Variants in DIP2B observed in about 807,000 individuals in gnomAD.
DIP2B encodes the protein DIP2 acetate--CoA ligase B (putative).
A neutral mutation model predicts 198.0 loss-of-function variants in DIP2B; 76 were observed. The observed-to-expected ratio is 0.38, with a 90% confidence interval of 0.32 to 0.46. DIP2B has a LOEUF of 0.46. Ranked by LOEUF, DIP2B falls within the 20% of genes least tolerant of loss-of-function variation. DIP2B has a pLI of 0.99. For synonymous variants in DIP2B, 701 were observed against 739.1 expected, an observed-to-expected ratio of 0.95 and a Z score of 0.84; for missense variants, 1,559 against 1,978.4, an observed-to-expected ratio of 0.79 and a Z score of 4.02.
At chr12:50,575,934 T>C (rs1958655993) in intron 1 of DIP2B, among the ~76,000 whole-genome samples, 1 of 152,020 alleles carries the variant, frequency 6.6e-6, no homozygotes, top group Admixed American at 6.6e-5. Context: ...ATTTCTATAT[T>C]TTTAGTAGAG....
chr12:50,624,520 G>A (rs556866440), intron 1 of DIP2B, among the ~76,000 whole-genome samples: 8 of 152,180 alleles, frequency 5.3e-5, no homozygotes, highest in Non-Finnish European at 1.0e-4. Flanking sequence ...TTTTAGTAGA[G>A]ACAGGGTTTC....
intron 5 of DIP2B, among the ~76,000 whole-genome samples, chr12:50,673,232 T>C (rs1384007504): frequency 6.6e-6 from 1 of 152,220 alleles, no homozygotes; most frequent in Non-Finnish European, 1.5e-5. Context: ...AATTACAGAC[T>C]TAAGGGGCAT....
intron 2 of DIP2B, among the ~76,000 whole-genome samples, chr12:50,632,492 A>T (rs1352372644): frequency 6.7e-6 from 1 of 149,612 alleles, no homozygotes; most frequent in African/African-American, 2.5e-5. Context: ...AAAAAAAAAA[A>T]AAAAGGTAAC....
At chr12:50,505,738 T>C (rs1340200052) in intron 1 of DIP2B, among the ~76,000 whole-genome samples, 1 of 152,020 alleles carries the variant, frequency 6.6e-6, no homozygotes, top group Non-Finnish European at 1.5e-5. Flanking sequence ...GCGCGATGCC[T>C]CCCCAGTGAC....
chr12:50,690,973 G>A (rs758858527), intron 12 of DIP2B, 76 bp from the exon 13 acceptor site: 2 of 1,302,328 alleles, frequency 1.5e-6, no homozygotes, highest in South Asian at 1.3e-5. Flanking sequence ...TCTGGGTTTT[G>A]TTTTTGGATT....
intron 3 of DIP2B, among the ~76,000 whole-genome samples, chr12:50,652,635 G>GT (rs1938477437): frequency 6.6e-6 from 1 of 151,958 alleles, no homozygotes; most frequent in Admixed American, 6.6e-5. Context: ...GTTTAGAATT[G>GT]TTTTTTCTAT....
At chr12:50,674,363 A>C in intron 5 of DIP2B, 111 bp from the exon 6 acceptor site, 2 of 1,103,244 alleles carry the variant, frequency 1.8e-6, no homozygotes, top group Non-Finnish European at 2.6e-6. Flanking sequence ...TACAAGAGCC[A>C]GTGCCCCCAT....
intron 1 of DIP2B, among the ~76,000 whole-genome samples, chr12:50,540,017 C>T (rs1483740762): frequency 7.0e-6 from 1 of 143,178 alleles, no homozygotes; most frequent in African/African-American, 2.6e-5. Flanking sequence ...TTTATTAATC[C>T]ATTCACCAGC....
At chr12:50,536,686 G>A (rs1958270582) in intron 1 of DIP2B, among the ~76,000 whole-genome samples, 1 of 151,392 alleles carries the variant, frequency 6.6e-6, no homozygotes, top group Non-Finnish European at 1.5e-5. Flanking sequence ...TCCCACCTCA[G>A]CCTCTCGAGT....
rs1313411290 is a variant in DIP2B, at chr12:50,521,107, T to G, written c.100+15867T>G. 2.7e-5 allele frequency among the ~76,000 whole-genome samples: 4 copies of G among 149,258 alleles called. No individual in the cohort carries two copies. The South Asian group carries it at 8.5e-4, about 32-fold the overall frequency. On this transcript the variant is annotated intron_variant, in intron 1 of 37. Transcript: ENST00000301180. ...TATTCAGCAACAGTTTTTTTTTTTT[T>G]TTTTTTTTTTTTAATTTGAGATGGA...
At chr12:50,595,674 A>G (rs1035119290) in intron 1 of DIP2B, among the ~76,000 whole-genome samples, 13 of 152,346 alleles carry the variant, frequency 8.5e-5, no homozygotes, top group African/African-American at 2.9e-4. Flanking sequence ...GGAGAATACT[A>G]CATACATGTT....
intron 1 of DIP2B, among the ~76,000 whole-genome samples, chr12:50,540,300 G>T (rs1385950721): frequency 1.2e-5 from 1 of 80,650 alleles, no homozygotes; most frequent in Non-Finnish European, 3.5e-5. Flanking sequence ...TAGTAGAGAC[G>T]GGGTTTCACC....
chr12:50,739,223 A>G (rs1940193036), intron 35 of DIP2B, among the ~76,000 whole-genome samples, 186 bp from the exon 36 acceptor site: 2 of 152,242 alleles, frequency 1.3e-5, no homozygotes, highest in Admixed American at 1.3e-4. Flanking sequence ...GTCATGTCAT[A>G]TATATCAGGA....
In DIP2B at chr12:50,704,153, ATTCTGCAGG is replaced by A. The variant is rs1420292425; in HGVS notation, c.2340_2348del (p.Ala782_Ser784del). ...TTTGTCTCTTAGGTAATTCCAGTGA[ATTCTGCAGG>A]CTCTCCTGTTGGGGATGTGCCATTC... On this transcript the variant is annotated inframe_deletion, in exon 20 of 38. Coordinates refer to ENST00000301180, the MANE Select transcript of DIP2B (RefSeq NM_173602.3). The A allele has an allele frequency of 6.2e-7, 1 of 1,609,002 alleles. No homozygotes were observed.
chr12:50,529,773 C>T (rs964956203), intron 1 of DIP2B, among the ~76,000 whole-genome samples: 4 of 151,802 alleles, frequency 2.6e-5, no homozygotes, highest in African/African-American at 9.7e-5. Context: ...GCAGGAGACT[C>T]GCTTGACCCC....
At chr12:50,677,460 C>T (rs1479463054) in intron 7 of DIP2B, among the ~76,000 whole-genome samples, 1 of 151,944 alleles carries the variant, frequency 6.6e-6, no homozygotes, top group Admixed American at 6.6e-5. Flanking sequence ...ACTAAAAATA[C>T]AAAAATTAGC....
intron 3 of DIP2B, among the ~76,000 whole-genome samples, chr12:50,653,272 A>G (rs965745088): frequency 3.6e-5 from 5 of 137,424 alleles, no homozygotes; most frequent in East Asian, 2.1e-4. Flanking sequence ...AATTTATCCA[A>G]TTTTTTGTAG....
intron 1 of DIP2B, among the ~76,000 whole-genome samples, chr12:50,514,636 A>T (rs1958048067): frequency 2.0e-5 from 3 of 151,808 alleles, no homozygotes. Context: ...CTCTCACTTA[A>T]CACTTGGCCC....
Position 50,740,123 on chromosome 12 carries a change from G to A in DIP2B, c.4354+537G>A, listed in dbSNP as rs187226638. Among the ~76,000 whole-genome samples, 8 of 152,246 alleles carry A rather than the reference G, an allele frequency of 5.3e-5. No homozygotes were observed. In the East Asian group the frequency reaches 7.7e-4, roughly 15 times the overall value. On this transcript the variant is annotated intron_variant, in intron 36 of 37. Transcript: ENST00000301180. ...GATTGTCACAGCTTCACTGCTGCCC[G>A]CCATCACTCTTTCTTCCAGACTGAC...
Sources: gnomAD v4.1 joint callset for allele counts (sites outside exome capture counted in the v4.1 genomes callset) on GRCh38, gnomAD v4.1.1 for gene constraint, MANE v1.5 for transcripts, NCBI Gene and HGNC (gene_info 2026-07-23, HGNC 2026-07-21) for gene names.